Variants in DST observed in about 807,000 individuals in gnomAD.
DST encodes dystonin.
In DST, 253 loss-of-function variants were observed where a neutral mutation model predicts 875.2. That is an observed-to-expected ratio of 0.29 (90% CI 0.26 to 0.32). The LOEUF (loss-of-function observed/expected upper bound fraction) is 0.32. DST is among the 10% of genes least tolerant of loss of function. The probability of loss-of-function intolerance (pLI) is 1.00; values close to 1 mark genes in which losing one functional copy is unlikely to be tolerated. For synonymous variants in DST, 3,124 were observed against 3,197.1 expected, an observed-to-expected ratio of 0.98 and a Z score of 0.77; for missense variants, 8,287 against 9,111.6, an observed-to-expected ratio of 0.91 and a Z score of 3.68.
Position 56,485,574 on chromosome 6 carries a change from A to G in DST, c.21048-103T>C, listed in dbSNP as rs1037690813. 849 of 1,117,978 alleles carry G rather than the reference A, an allele frequency of 7.6e-4. 5 individuals are homozygous for G. The highest frequency in any genetic ancestry group is 1.8e-5 in the Non-Finnish European group (14 of 778,324). The allele number at this position is 1,117,978 out of a possible 1,614,324, so 69.3% of individuals were successfully genotyped here. A position where few individuals can be genotyped will look rare whatever the true frequency, so the allele number is the denominator to read the frequency against. The stretch of plus-strand genomic sequence containing the variant: ...TGAAGGTTGAGTGGTACTCAAGGGG[A>G]AGAGCAGTATGTTGGTATTCATTGT... On this transcript the variant is annotated intron_variant, in intron 87 of 103. Coordinates refer to ENST00000680361, the MANE Select transcript of DST (RefSeq NM_001374736.1).
chr6:56,866,759 T>C lies in DST; in HGVS notation c.418-15155A>G, dbSNP rs147253938. Among the ~76,000 whole-genome samples the C allele has an allele frequency of 3.6e-3, 546 of 152,248 alleles. 2 individuals are homozygous for C. Among genetic ancestry groups the C allele is most frequent in the African/African-American group, 0.013 (530 of 41,540 alleles). Reference sequence around the variant, plus strand: ...ACCAGAAAGTAAGCCCTTTGTTTCATTCATGCTGTGTCCCCAGTTCCTAGC... The same window carrying C: ...ACCAGAAAGTAAGCCCTTTGTTTCACTCATGCTGTGTCCCCAGTTCCTAGC... On this transcript the variant is annotated intron_variant, in intron 3 of 103. Transcript: ENST00000680361.
chr6:56,928,237 G>A (rs981479936), intron 2 of DST, among the ~76,000 whole-genome samples: 2 of 152,114 alleles, frequency 1.3e-5, no homozygotes, highest in Admixed American at 1.3e-4. Context: ...AGAGAGACAG[G>A]GAGTGCTTCT....
At chr6:56,493,595 T>C (rs1028553974) in intron 83 of DST, among the ~76,000 whole-genome samples, 11 of 152,134 alleles carry the variant, frequency 7.2e-5, no homozygotes, top group Non-Finnish European at 1.3e-4. Flanking sequence ...TAATCCATTC[T>C]CATGAATTTT....
Position 56,608,984 on chromosome 6 carries a change from G to C in DST, c.5644C>G (p.Leu1882Val). ...VLEILLSTGS[L>V]VIPATGEQLT... ...TGTTCTCCTGTGGCTGGAATAACCA[G>C]AGAGCCTGTAGAAAGCAGTATCTCA... Residue 1882 changes from leucine to valine, a missense_variant, in exon 40 of 104, where the codon CTG (leucine) becomes GTG (valine). Physicochemically the swap from Leu to Val is conservative, Grantham distance 32 (BLOSUM62 1). This residue lies in a region of DST where 3,138 missense variants were observed against 3,116.6 expected (regional missense o/e 1.01). Coordinates refer to ENST00000680361, the MANE Select transcript of DST (RefSeq NM_001374736.1). 4 of 1,613,882 alleles carry C rather than the reference G, an allele frequency of 2.5e-6. No homozygotes were observed. The highest frequency in any genetic ancestry group is 2.5e-6 in the Non-Finnish European group (3 of 1,179,812).
intron 82 of DST, among the ~76,000 whole-genome samples, chr6:56,496,836 A>C (rs1583148968): frequency 6.6e-6 from 1 of 152,156 alleles, no homozygotes; most frequent in Non-Finnish European, 1.5e-5. Flanking sequence ...ATGCAGCCAT[A>C]AAAAATGATG....
Position 56,607,919 on chromosome 6 carries a change from A to T in DST, c.6709T>A (p.Cys2237Ser). The T allele has an allele frequency of 6.2e-7, 1 of 1,613,720 alleles. No individual in the cohort carries two copies. The highest frequency in any genetic ancestry group is 8.5e-7 in the Non-Finnish European group (1 of 1,179,754). ...DEAVGMLLEG[C>S]HAEFDGNTAI... Reference sequence around the variant, plus strand: ...GTGTTTCCATCAAATTCTGCATGACAGCCTTCCAGTAGCATGCCAACAGCC... The same window carrying T: ...GTGTTTCCATCAAATTCTGCATGACTGCCTTCCAGTAGCATGCCAACAGCC... The change falls in exon 40 of 104, where the codon TGT (cysteine) becomes AGT (serine). Residue 2237 changes from cysteine to serine, a missense_variant. Around this residue, in one of 10 missense-constraint regions of DST, gnomAD observed 3,138 missense variants for 3,116.6 expected, o/e 1.01. Coordinates refer to ENST00000680361, the MANE Select transcript of DST (RefSeq NM_001374736.1).
chr6:56,859,190 T>C (rs951859209), intron 3 of DST, among the ~76,000 whole-genome samples: 1 of 152,220 alleles, frequency 6.6e-6, no homozygotes, highest in Admixed American at 6.5e-5. Flanking sequence ...GACTGCTTTG[T>C]GTATAGTGAG....
chr6:56,572,266 C>G lies in DST; in HGVS notation c.13555G>C (p.Glu4519Gln), dbSNP rs1433112332. Residue 4519 changes from glutamate (E) to glutamine (Q), a missense_variant and splice_region_variant, in exon 53 of 104, where the codon GAA becomes CAA. Physicochemically the swap from Glu to Gln is conservative, Grantham distance 29. This residue lies in a region of DST where 1,513 missense variants were observed against 1,677.8 expected (regional missense o/e 0.90). Transcript: ENST00000680361. Reference protein sequence around the residue: ...DVTELSQYMQESTSEFLEHKK... With the variant: ...DVTELSQYMQQSTSEFLEHKK... ...TGTTCTAAAAATTCAGAAGTTGATTCCTACAAAGCATTAAGATATTCAGTC... is the reference window on the plus strand; with the variant it reads ...TGTTCTAAAAATTCAGAAGTTGATTGCTACAAAGCATTAAGATATTCAGTC... 6.5e-7 allele frequency: 1 copy of G among 1,547,288 alleles called. No homozygotes were observed. Among genetic ancestry groups the G allele is most frequent in the Non-Finnish European group, 8.7e-7 (1 of 1,145,472 alleles).
intron 4 of DST, among the ~76,000 whole-genome samples, chr6:56,766,777 C>T (rs908730116): frequency 1.3e-5 from 2 of 152,154 alleles, no homozygotes; most frequent in Non-Finnish European, 2.9e-5. Context: ...GTGATCCACC[C>T]GCCTCAATCT....
At chr6:56,900,289 C>G in intron 3 of DST, 132 bp downstream of exon 3, 1 of 687,288 alleles carries the variant, frequency 1.5e-6, no homozygotes, top group Non-Finnish European at 2.2e-6. Context: ...CATATGAGTA[C>G]GCTGCCACTT....
chr6:56,495,271 AATG>A, intron 82 of DST, among the ~76,000 whole-genome samples: 1 of 152,108 alleles, frequency 6.6e-6, no homozygotes, highest in East Asian at 1.9e-4. Context: ...ACTTTATTGA[AATG>A]ATATTACAAA....
intron 43 of DST, among the ~76,000 whole-genome samples, chr6:56,602,215 C>A (rs1326643814): frequency 2.0e-5 from 3 of 150,324 alleles, no homozygotes; most frequent in East Asian, 3.9e-4. Context: ...CCAAAAGTGA[C>A]AACATATAAA....
rs192015183 is a variant in DST, at chr6:56,592,264, C to T, written c.12821G>A (p.Cys4274Tyr). Residue 4274 changes from cysteine (C) to tyrosine (Y), a missense_variant, in exon 49 of 104, where the codon TGT becomes TAT. Physicochemically the swap from Cys to Tyr is radical, Grantham distance 194. Coordinates refer to ENST00000680361, the MANE Select transcript of DST (RefSeq NM_001374736.1). ...SCGLLAGLQA[C>Y]EATASKHLSE... ...TAAGTGTTTGCTCGCTGTGGCCTCA[C>T]AGGCCTGGAGTCCAGCAAGAAGTCC... The T allele has an allele frequency of 6.2e-7, 1 of 1,612,968 alleles. No individual in the cohort carries two copies. Among genetic ancestry groups the T allele is most frequent in the South Asian group, 1.1e-5 (1 of 90,784 alleles).
Position 56,600,084 on chromosome 6 carries a change from A to G in DST, c.11679T>C (p.Tyr3893=), listed in dbSNP as rs375258425. 57 of 1,612,404 alleles carry G rather than the reference A, an allele frequency of 3.5e-5. No individual in the cohort carries two copies. The highest frequency in any genetic ancestry group is 8.8e-5 in the South Asian group (8 of 90,844). The change falls in exon 45 of 104, where the codon TAT becomes TAC. Residue 3893 remains tyrosine (Y), a synonymous_variant. Coordinates refer to ENST00000680361, the MANE Select transcript of DST (RefSeq NM_001374736.1). The stretch of plus-strand genomic sequence containing the variant: ...CAAATTCTACCTCTTGCTTGGACTG[A>G]TATTTCTTTAACTCAACTGTGCCAT... The part of the protein sequence containing the change: ...IGDGTVELKK[Y]QSKQEELQKD...
intron 2 of DST, among the ~76,000 whole-genome samples, chr6:56,931,773 T>A (rs1810384784): frequency 6.6e-6 from 1 of 152,198 alleles, no homozygotes; most frequent in Non-Finnish European, 1.5e-5. Flanking sequence ...TGTAACCACT[T>A]TGTTTTGGCC....
intron 4 of DST, among the ~76,000 whole-genome samples, chr6:56,804,889 G>A (rs1014529692): frequency 1.3e-5 from 2 of 152,004 alleles, no homozygotes; most frequent in Non-Finnish European, 2.9e-5. Flanking sequence ...CACTTTACAA[G>A]ATGTAAAAAT....
At chr6:56,502,310 C>T (rs966712673) in intron 78 of DST, among the ~76,000 whole-genome samples, 15 of 152,082 alleles carry the variant, frequency 9.9e-5, no homozygotes, top group Non-Finnish European at 1.9e-4. Flanking sequence ...GGTAACTGTC[C>T]TTTCATAAAA....
intron 3 of DST, chr6:56,861,804 G>A (rs1771300236): frequency 6.6e-6 from 1 of 152,120 alleles, no homozygotes; most frequent in Non-Finnish European, 1.5e-5. Context: ...CCCATTCCCT[G>A]ACACCGTGGT....
chr6:56,526,890 TC>T (rs1300129163), intron 68 of DST, among the ~76,000 whole-genome samples: 1 of 152,166 alleles, frequency 6.6e-6, no homozygotes, highest in African/African-American at 2.4e-5. Context: ...TCTGGGAACC[TC>T]TAAGTAATCA....
Sources: gnomAD v4.1 joint callset for allele counts (sites outside exome capture counted in the v4.1 genomes callset) on GRCh38, gnomAD v4.1.1 for gene constraint, gnomAD v4.1.1 regional missense constraint, MANE v1.5 for transcripts, NCBI Gene and HGNC (gene_info 2026-07-23, HGNC 2026-07-21) for gene names.